The following UBE4B variants were observed in gnomAD, a reference collection of about 807,000 sequenced individuals.
The protein encoded by UBE4B is ubiquitination factor E4B.
In UBE4B, 27 loss-of-function variants were observed where a neutral mutation model predicts 148.1. That is an observed-to-expected ratio of 0.18 (90% confidence interval 0.13 to 0.25). The LOEUF is 0.25. UBE4B is among the 10% of genes least tolerant of loss of function. The probability of loss-of-function intolerance (pLI) is 1.00; values close to 1 mark genes in which losing one functional copy is unlikely to be tolerated. For synonymous variants in UBE4B, 596 were observed against 619.3 expected, an observed-to-expected ratio of 0.96 and a Z score of 0.56; for missense variants, 1,170 against 1,662.4, an observed-to-expected ratio of 0.70 and a Z score of 5.15.
chr1:10,127,820 C>T (rs963172086), intron 11 of UBE4B, among the ~76,000 whole-genome samples: 3 of 152,154 alleles, frequency 2.0e-5, no homozygotes, highest in South Asian at 4.1e-4. Flanking sequence ...AAAATAAGAG[C>T]TACAGCGCAA....
rs1161919362 is a variant in UBE4B at position 10,138,348 on chromosome 1, C to G, written c.2363+1143C>G. On this transcript the variant is annotated intron_variant, in intron 17 of 27. Transcript: ENST00000343090. Reference sequence around the variant, plus strand: ...TCCTGACCTCGTGATCCGCCCGCCTCAGCCTCCCAAAGTGCTGGAATTACA... The same window carrying G: ...TCCTGACCTCGTGATCCGCCCGCCTGAGCCTCCCAAAGTGCTGGAATTACA... 3.3e-5 allele frequency among the ~76,000 whole-genome samples: 5 copies of G among 152,186 alleles called. No individual in the cohort carries two copies. The East Asian group carries it at 9.7e-4, about 29-fold the overall frequency.
intron 5 of UBE4B, among the ~76,000 whole-genome samples, chr1:10,103,626 G>GTTTTTT (rs1279924321): frequency 2.0e-4 from 23 of 117,074 alleles, no homozygotes; most frequent in African/African-American, 4.5e-4. Context: ...TGTTTGTTTT[G>GTTTTTT]TTTTTGTTTT....
intron 11 of UBE4B, chr1:10,128,232 G>A (rs1308989532): frequency 6.6e-6 from 1 of 152,178 alleles, no homozygotes; most frequent in East Asian, 1.9e-4. Flanking sequence ...TTTCAGTGAG[G>A]AGCTTTTAGC....
intron 3 of UBE4B, among the ~76,000 whole-genome samples, chr1:10,097,176 AG>A (rs1403614286): frequency 2.0e-5 from 3 of 152,158 alleles, no homozygotes; most frequent in Non-Finnish European, 4.4e-5. Context: ...ACAAACTGAA[AG>A]AGCTGAGGAA....
chr1:10,049,593 A>T lies in UBE4B; in HGVS notation c.24+15899A>T, dbSNP rs539360527. ...GACCTTTTCTCTAAAAAAAAAAAAA[A>T]TTTTTTTAAATTAGGAAACAATGTT... On this transcript the variant is annotated intron_variant, in intron 1 of 27. Coordinates refer to ENST00000343090, the MANE Select transcript of UBE4B (RefSeq NM_001105562.3). Among the ~76,000 whole-genome samples the T allele has an allele frequency of 9.0e-3, 1,355 of 151,390 alleles. 28 individuals carry two copies. The highest frequency in any genetic ancestry group is 0.03 in the African/African-American group (1,248 of 41,182).
chr1:10,162,771 C>T (rs1340300899), intron 23 of UBE4B, among the ~76,000 whole-genome samples: 1 of 152,152 alleles, frequency 6.6e-6, no homozygotes. Context: ...GTTTTCAACC[C>T]TCACTCCTCC....
chr1:10,064,649 C>G (rs1644350125), intron 1 of UBE4B, among the ~76,000 whole-genome samples: 1 of 152,158 alleles, frequency 6.6e-6, no homozygotes, highest in Non-Finnish European at 1.5e-5. Flanking sequence ...CTTTTCCTCT[C>G]TCAACAGCCC....
At position 10,046,672 on chromosome 1, in the gene UBE4B, GGA is replaced by G. The variant is rs1643917844; in HGVS notation, c.24+12982_24+12983del. Among the ~76,000 whole-genome samples, 9 of 152,198 alleles carry G rather than the reference GGA, an allele frequency of 5.9e-5. No individual in the cohort carries two copies. The South Asian group carries it at 1.9e-3, about 32-fold the overall frequency. The stretch of plus-strand genomic sequence containing the variant: ...TCTGTAGCCTCTGACTTTATTTTCT[GGA>G]GAGTTTTTCTGTGTTTCTTTTCCTC... On this transcript the variant is annotated intron_variant, in intron 1 of 27. Coordinates refer to ENST00000343090, the MANE Select transcript of UBE4B (RefSeq NM_001105562.3).
intron 2 of UBE4B, among the ~76,000 whole-genome samples, chr1:10,090,127 GT>G (rs961202284): frequency 3.3e-4 from 28 of 84,292 alleles, no homozygotes; most frequent in Middle Eastern, 5.5e-3. Flanking sequence ...GTGTGTGTGT[GT>G]TTTTTTTTTT....
chr1:10,170,014 T>C (rs1646315672), intron 24 of UBE4B, among the ~76,000 whole-genome samples: 1 of 152,106 alleles, frequency 6.6e-6, no homozygotes, highest in Non-Finnish European at 1.5e-5. Flanking sequence ...TTCTCAAAAA[T>C]AAATAAATAA....
intron 5 of UBE4B, among the ~76,000 whole-genome samples, chr1:10,103,704 C>A (rs1453908051): frequency 6.7e-6 from 1 of 149,298 alleles, no homozygotes; most frequent in Non-Finnish European, 1.5e-5. Flanking sequence ...AGTCTTGGCT[C>A]ACTGCAACTC....
intron 14 of UBE4B, among the ~76,000 whole-genome samples, chr1:10,132,150 A>T (rs1238667836): frequency 6.6e-6 from 1 of 151,970 alleles, no homozygotes; most frequent in Non-Finnish European, 1.5e-5. Flanking sequence ...AAAAACTGTA[A>T]CTGCCTACCT....
chr1:10,039,626 G>A (rs1465734496), intron 1 of UBE4B, among the ~76,000 whole-genome samples: 1 of 148,754 alleles, frequency 6.7e-6, no homozygotes, highest in African/African-American at 2.5e-5. Flanking sequence ...TTTTAGTAAA[G>A]ATGGGGTTTT....
rs143548538 is a variant in UBE4B, at chr1:10,082,982, A to C, written c.211+10768A>C. Among the ~76,000 whole-genome samples, 595 of 152,258 alleles carry C rather than the reference A, an allele frequency of 3.9e-3. 8 individuals are homozygous for C. The East Asian group carries it at 0.051, about 13-fold the overall frequency. On this transcript the variant is annotated intron_variant, in intron 2 of 27. Transcript: ENST00000343090. ...CTTCATCCATGTCCCTGCAAAGGAC[A>C]TGATCTCATTCTTTTTTACGGCTGC...
intron 2 of UBE4B, among the ~76,000 whole-genome samples, chr1:10,079,183 T>C (rs2101844306): frequency 6.6e-6 from 1 of 152,164 alleles, no homozygotes; most frequent in East Asian, 1.9e-4. Flanking sequence ...TATACTTTTA[T>C]TATTATTTTT....
intron 8 of UBE4B, 72 bp downstream of exon 8, chr1:10,117,672 A>T: frequency 6.8e-7 from 1 of 1,462,814 alleles, no homozygotes; most frequent in Admixed American, 2.8e-5. Context: ...CCCCTGGAGC[A>T]TTCATTGATT....
Position 10,113,517 on chromosome 1 carries a change from A to G in UBE4B, c.1197-3942A>G, listed in dbSNP as rs1645256109. Among the ~76,000 whole-genome samples the G allele has an allele frequency of 1.3e-5, 2 of 152,238 alleles. 1 individual carries two copies. The highest frequency in any genetic ancestry group is 4.1e-4 in the South Asian group (2 of 4,826). On this transcript the variant is annotated intron_variant, in intron 7 of 27. Transcript: ENST00000343090. ...GCACAAGAAAAGCAATCGTCTACAT[A>G]GTCTTCTACATACATTGTCACTTTT... is the stretch of plus-strand genomic sequence containing the variant.
chr1:10,043,439 T>C (rs1333558518), intron 1 of UBE4B, among the ~76,000 whole-genome samples: 4 of 145,044 alleles, frequency 2.8e-5, no homozygotes, highest in Non-Finnish European at 6.1e-5. Flanking sequence ...TTTTTTTTTT[T>C]TTTTGAGATG....
chr1:10,171,066 G>GA (rs1278717405), intron 24 of UBE4B, 72 bp from the exon 25 acceptor site: 1 of 1,493,062 alleles, frequency 6.7e-7, no homozygotes. Flanking sequence ...TTCCTCCACT[G>GA]AAATGGGAGT....
Sources: gnomAD v4.1 joint callset for allele counts (sites outside exome capture counted in the v4.1 genomes callset) on GRCh38, gnomAD v4.1.1 for gene constraint, MANE v1.5 for transcripts, NCBI Gene and HGNC (gene_info 2026-07-23, HGNC 2026-07-21) for gene names.